Variants in CDH4 observed in about 807,000 individuals in gnomAD.
CDH4 encodes the protein cadherin-4.
A neutral mutation model predicts 86.0 loss-of-function variants in CDH4; 33 were observed. The observed-to-expected ratio is 0.38, with a 90% confidence interval of 0.29 to 0.51. The LOEUF (loss-of-function observed/expected upper bound fraction) is 0.51, where lower values mean the gene tolerates loss of function less well. Ranked by LOEUF, CDH4 falls within the 20% of genes least tolerant of loss-of-function variation. CDH4 has a pLI of 0.86. For synonymous variants in CDH4, 555 were observed against 549.4 expected (o/e 1.01, Z -0.14); for missense variants, 1,114 against 1,307.4 (o/e 0.85, Z 2.28).
At chr20:61,552,347 C>G (rs2086138629) in intron 2 of CDH4, among the ~76,000 whole-genome samples, 1 of 152,174 alleles carries the variant, frequency 6.6e-6, no homozygotes, top group Admixed American at 6.5e-5. Context: ...ATACGAATGT[C>G]CAATAAACAC....
chr20:61,737,640 T>C (rs552304545), intron 2 of CDH4, among the ~76,000 whole-genome samples: 1 of 152,302 alleles, frequency 6.6e-6, no homozygotes, highest in East Asian at 1.9e-4. Flanking sequence ...TTGTGTGACC[T>C]TGGCTGGGTG....
intron 2 of CDH4, among the ~76,000 whole-genome samples, chr20:61,645,476 TAA>T (rs137891607): frequency 0.033 from 4,980 of 152,080 alleles, 124 homozygotes; most frequent in Middle Eastern, 0.054. Flanking sequence ...AAATTTTTTT[TAA>T]AAGTTAACCA....
chr20:61,458,639 G>A (rs1170270623), intron 2 of CDH4, among the ~76,000 whole-genome samples: 1 of 152,156 alleles, frequency 6.6e-6, no homozygotes, highest in Non-Finnish European at 1.5e-5. Context: ...TGGTATTGGT[G>A]GTGGTGATGA....
chr20:61,774,340 A>G (rs542088570), intron 4 of CDH4, among the ~76,000 whole-genome samples: 1 of 152,180 alleles, frequency 6.6e-6, no homozygotes, highest in Non-Finnish European at 1.5e-5. Context: ...CCAGGCCCAC[A>G]TCTCCTGGGC....
intron 2 of CDH4, among the ~76,000 whole-genome samples, chr20:61,734,928 C>CG (rs1555832359): frequency 1.3e-5 from 2 of 152,134 alleles, no homozygotes; most frequent in Non-Finnish European, 1.5e-5. Context: ...CGATAGCCCC[C>CG]GCTCCCGAGA....
At chr20:61,560,841 T>TGGACCTCC (rs993158219) in intron 2 of CDH4, among the ~76,000 whole-genome samples, 2 of 152,116 alleles carry the variant, frequency 1.3e-5, no homozygotes, top group African/African-American at 4.8e-5. Context: ...GCGGGAGCTC[T>TGGACCTCC]GGACCTCCAT....
intron 2 of CDH4, among the ~76,000 whole-genome samples, chr20:61,704,050 C>G (rs2087804735): frequency 6.6e-6 from 1 of 151,862 alleles, no homozygotes. Context: ...CTCGAGCGCT[C>G]TTGGCTGAGC....
At chr20:61,586,721 C>T (rs905490831) in intron 2 of CDH4, among the ~76,000 whole-genome samples, 11 of 152,136 alleles carry the variant, frequency 7.2e-5, no homozygotes, top group Admixed American at 7.2e-4. Context: ...AAACCCAGGC[C>T]ACCTGGGACT....
intron 6 of CDH4, among the ~76,000 whole-genome samples, chr20:61,858,543 G>GTGTGTC (rs1281062823): frequency 3.3e-5 from 5 of 152,084 alleles, no homozygotes; most frequent in Non-Finnish European, 7.4e-5. Flanking sequence ...GCGTCTGTGT[G>GTGTGTC]TGTGTCTGTG....
intron 4 of CDH4, among the ~76,000 whole-genome samples, chr20:61,819,476 C>T (rs1980905287): frequency 6.6e-6 from 1 of 152,204 alleles, no homozygotes; most frequent in Non-Finnish European, 1.5e-5. Context: ...TGATTTTCCA[C>T]GTCTCCCCAA....
Position 61,394,400 on chromosome 20 carries a change from C to T in CDH4, c.169+139463C>T, listed in dbSNP as rs553589628. Among the ~76,000 whole-genome samples the T allele has an allele frequency of 4.5e-4, 68 of 152,272 alleles. 1 individual carries two copies. The highest frequency in any genetic ancestry group is 3.1e-3 in the South Asian group (15 of 4,822). On this transcript the variant is annotated intron_variant, in intron 2 of 15. Coordinates refer to ENST00000614565, the MANE Select transcript of CDH4 (RefSeq NM_001794.5). ...AGCAACCCAGTCCTGAGAACTGCTT[C>T]GTTTGTAAAGAAAGTCGGTTGTTCC...
intron 9 of CDH4, among the ~76,000 whole-genome samples, chr20:61,920,178 CTG>C (rs1369644894): frequency 9.0e-6 from 1 of 111,572 alleles, no homozygotes; most frequent in Non-Finnish European, 1.8e-5. Context: ...GTCACAGTGA[CTG>C]CGTGGAAGCG....
intron 7 of CDH4, among the ~76,000 whole-genome samples, chr20:61,892,512 A>C (rs933984927): frequency 2.6e-5 from 4 of 152,138 alleles, no homozygotes; most frequent in Admixed American, 1.3e-4. Flanking sequence ...AGCTGAGAGC[A>C]TGCTGGGCTG....
chr20:61,494,401 T>C (rs2085645194), intron 2 of CDH4, among the ~76,000 whole-genome samples: 2 of 152,340 alleles, frequency 1.3e-5, no homozygotes, highest in South Asian at 4.1e-4. Context: ...GTTTTTTCAT[T>C]TAACAAATGC....
intron 2 of CDH4, among the ~76,000 whole-genome samples, chr20:61,458,424 G>A (rs999206222): frequency 7.1e-6 from 1 of 141,598 alleles, no homozygotes. Context: ...GACACTGGTG[G>A]TCATGGTGGT....
intron 2 of CDH4, among the ~76,000 whole-genome samples, chr20:61,536,642 A>C (rs2085999582): frequency 6.6e-6 from 1 of 152,140 alleles, no homozygotes; most frequent in African/African-American, 2.4e-5. Context: ...TAAAAGAATA[A>C]CTTTAATTAG....
At chr20:61,268,020 C>G (rs1292073381) in intron 2 of CDH4, among the ~76,000 whole-genome samples, 2 of 152,178 alleles carry the variant, frequency 1.3e-5, no homozygotes, top group Non-Finnish European at 1.5e-5. Context: ...GGGCTGATTG[C>G]AGACGTGGGT....
intron 2 of CDH4, among the ~76,000 whole-genome samples, chr20:61,506,563 A>T (rs1280011927): frequency 6.6e-6 from 1 of 152,248 alleles, no homozygotes; most frequent in Non-Finnish European, 1.5e-5. Flanking sequence ...GCAGAATTGT[A>T]TCAGAGAATT....
intron 2 of CDH4, among the ~76,000 whole-genome samples, chr20:61,690,107 C>G (rs1342551171): frequency 8.1e-6 from 1 of 123,364 alleles, no homozygotes; most frequent in Non-Finnish European, 1.7e-5. Context: ...ACAGTGGTTT[C>G]TGAGGTGATG....
Sources: gnomAD v4.1 joint callset for allele counts (sites outside exome capture counted in the v4.1 genomes callset) on GRCh38, gnomAD v4.1.1 for gene constraint, MANE v1.5 for transcripts, NCBI Gene and HGNC (gene_info 2026-07-23, HGNC 2026-07-21) for gene names.